PTPRT: variants seen among roughly 807,000 people sequenced by gnomAD.
PTPRT encodes protein tyrosine phosphatase receptor type T, also known as receptor-type tyrosine-protein phosphatase T.
PTPRT carries 56 observed loss-of-function variants against 176.8 expected under a neutral mutation model. That is an observed-to-expected ratio of 0.32 (90% CI 0.26 to 0.40). PTPRT has a LOEUF of 0.40. PTPRT is among the 10% of genes least tolerant of loss of function. PTPRT has a pLI of 1.00. For missense variants in PTPRT, 1,540 were observed against 1,908.2 expected, an observed-to-expected ratio of 0.81 and a Z score of 3.60; for synonymous variants, 783 against 739.0, an observed-to-expected ratio of 1.06 and a Z score of -0.96.
the PTPRT span, among the ~76,000 whole-genome samples, chr20:42,033,852 C>G: frequency 1.3e-5 from 2 of 152,134 alleles, no homozygotes; most frequent in Non-Finnish European, 2.9e-5. Flanking sequence ...ATGCCATTTT[C>G]TACTCAAATT....
At chr20:42,508,143 G>A (rs2071883122) in intron 7 of PTPRT, among the ~76,000 whole-genome samples, 1 of 150,878 alleles carries the variant, frequency 6.6e-6, no homozygotes, top group African/African-American at 2.5e-5. Flanking sequence ...GTGTGTGTGT[G>A]TGTGTGTATT....
At chr20:42,754,387 T>C (rs1176694813) in intron 6 of PTPRT, among the ~76,000 whole-genome samples, 2 of 151,962 alleles carry the variant, frequency 1.3e-5, no homozygotes, top group Non-Finnish European at 2.9e-5. Context: ...GGTTTCACCA[T>C]GTTGGCCAGG....
intron 9 of PTPRT, among the ~76,000 whole-genome samples, chr20:42,417,516 C>T (rs983260575): frequency 2.0e-5 from 3 of 151,198 alleles, no homozygotes; most frequent in Admixed American, 6.6e-5. Flanking sequence ...CTGGGGGAGA[C>T]AAAATTCAAT....
In PTPRT at chr20:42,118,390, AG is replaced by A. The variant is rs756609746; in HGVS notation, c.2982+12del. On this transcript the variant is annotated intron_variant, in intron 21 of 30. Transcript: ENST00000373187. ...CAGCATCCTCTGCCCAGGCGAGTGC[AG>A]GAGAGGCTTACCCTGCCCACTTCCA... 1 of 1,601,432 alleles carries A rather than the reference AG, an allele frequency of 6.2e-7. No individual in the cohort carries two copies. The highest frequency in any genetic ancestry group is 8.5e-7 in the Non-Finnish European group (1 of 1,172,340).
At chr20:42,701,954 G>A (rs2075979704) in intron 6 of PTPRT, among the ~76,000 whole-genome samples, 2 of 152,100 alleles carry the variant, frequency 1.3e-5, no homozygotes, top group Admixed American at 1.3e-4. Flanking sequence ...GGCCATAGAG[G>A]TATCAAGTGG....
At chr20:42,724,537 G>A (rs2076349528) in intron 6 of PTPRT, among the ~76,000 whole-genome samples, 1 of 152,164 alleles carries the variant, frequency 6.6e-6, no homozygotes, top group South Asian at 2.1e-4. Flanking sequence ...TCCCTCCCCT[G>A]CCCCTTGAGA....
chr20:42,848,482 T>C (rs1274525824), intron 2 of PTPRT, among the ~76,000 whole-genome samples: 1 of 152,178 alleles, frequency 6.6e-6, no homozygotes, highest in Non-Finnish European at 1.5e-5. Flanking sequence ...CACCAACATC[T>C]ATTATTTTTT....
intron 6 of PTPRT, among the ~76,000 whole-genome samples, chr20:42,718,915 T>C (rs979761366): frequency 2.0e-5 from 3 of 152,206 alleles, no homozygotes; most frequent in Non-Finnish European, 2.9e-5. Flanking sequence ...CGAGAGCCAA[T>C]GCAGTGATAC....
chr20:42,443,406 CA>C (rs1336881022), intron 9 of PTPRT, among the ~76,000 whole-genome samples: 1 of 152,228 alleles, frequency 6.6e-6, no homozygotes, highest in Non-Finnish European at 1.5e-5. Context: ...TTTGTGGACA[CA>C]AGGCCGTTGG....
chr20:42,164,065 T>C (rs1023907751), intron 16 of PTPRT, among the ~76,000 whole-genome samples: 2 of 152,214 alleles, frequency 1.3e-5, no homozygotes, highest in African/African-American at 4.8e-5. Flanking sequence ...ACCTAAAGCT[T>C]GGAGTCATGC....
chr20:42,728,155 G>A (rs2076407708), intron 6 of PTPRT, among the ~76,000 whole-genome samples: 1 of 152,084 alleles, frequency 6.6e-6, no homozygotes, highest in Non-Finnish European at 1.5e-5. Flanking sequence ...ATCAGTATTT[G>A]GGCAGATTCT....
intron 9 of PTPRT, among the ~76,000 whole-genome samples, chr20:42,354,054 T>C (rs1470718302): frequency 6.8e-6 from 1 of 146,182 alleles, no homozygotes; most frequent in African/African-American, 2.5e-5. Context: ...ACCCTGTCTC[T>C]AAAAAATTAA....
At chr20:43,179,109 G>C (rs914791168) in intron 1 of PTPRT, among the ~76,000 whole-genome samples, 3 of 152,206 alleles carry the variant, frequency 2.0e-5, no homozygotes, top group Non-Finnish European at 2.9e-5. Context: ...TGTCTGGTCA[G>C]CCCATTTAGA....
chr20:43,021,870 C>T (rs1282399189), intron 1 of PTPRT, among the ~76,000 whole-genome samples: 1 of 150,524 alleles, frequency 6.6e-6, no homozygotes, highest in Non-Finnish European at 1.5e-5. Flanking sequence ...AGGCTGAGAA[C>T]TCTGCAATTC....
At chr20:42,676,715 G>C (rs1037744785) in intron 7 of PTPRT, among the ~76,000 whole-genome samples, 3 of 152,144 alleles carry the variant, frequency 2.0e-5, no homozygotes, top group Non-Finnish European at 2.9e-5. Context: ...TAAAATGTAA[G>C]TACTTACAGC....
intron 27 of PTPRT, among the ~76,000 whole-genome samples, chr20:42,089,230 GC>G (rs1984356285): frequency 6.6e-6 from 1 of 152,048 alleles, no homozygotes; most frequent in African/African-American, 2.4e-5. Context: ...ATTTCTCTTT[GC>G]CATTGGCTCT....
intron 5 of PTPRT, among the ~76,000 whole-genome samples, chr20:42,758,484 T>TGCTCCAGGCTACAGGCTACAG (rs1388683198): frequency 1.3e-5 from 2 of 152,136 alleles, no homozygotes; most frequent in African/African-American, 2.4e-5. Flanking sequence ...AAGAGAGACT[T>TGCTCCAGGCTACAGGCTACAG]GCTCCAGGCT....
chr20:42,594,920 G>T (rs907165278), intron 7 of PTPRT, among the ~76,000 whole-genome samples: 1 of 152,134 alleles, frequency 6.6e-6, no homozygotes, highest in South Asian at 2.1e-4. Context: ...CTGACAAACA[G>T]AAATGAATGT....
At chr20:42,217,985 G>A (rs983947447) in intron 15 of PTPRT, among the ~76,000 whole-genome samples, 5 of 152,222 alleles carry the variant, frequency 3.3e-5, no homozygotes, top group African/African-American at 9.7e-5. Context: ...TCCTAAACTC[G>A]TAAAACAGGT....
Sources: allele counts gnomAD v4.1 joint callset (sites outside exome capture counted in the v4.1 genomes callset), GRCh38; gene constraint gnomAD v4.1.1; transcripts MANE v1.5; gene names NCBI Gene and HGNC (gene_info 2026-07-23, HGNC 2026-07-21).